LRP8: variants seen among roughly 807,000 people sequenced by gnomAD.
LRP8 encodes the protein LDL receptor related protein 8, also known as low-density lipoprotein receptor-related protein 8.
Under a neutral mutation model 111.6 loss-of-function variants are expected in LRP8, and 46 were observed. That is an observed-to-expected ratio of 0.41 (90% confidence interval 0.33 to 0.53). LRP8 has a LOEUF of 0.53. Among genes scored for constraint, LRP8 ranks in the 20% least tolerant of loss-of-function variants. LRP8 has a pLI of 0.20. For synonymous variants in LRP8, 464 were observed against 511.2 expected, an observed-to-expected ratio of 0.91 and a Z score of 1.24; for missense variants, 959 against 1,297.4, an observed-to-expected ratio of 0.74 and a Z score of 4.01.
chr1:53,316,717 G>A (rs1479520645), intron 2 of LRP8, among the ~76,000 whole-genome samples: 2 of 152,274 alleles, frequency 1.3e-5, no homozygotes, highest in South Asian at 4.1e-4. Context: ...AAGGGGCAGA[G>A]ACCCCAAGAG....
intron 2 of LRP8, among the ~76,000 whole-genome samples, chr1:53,292,851 C>T (rs1649040857): frequency 6.6e-6 from 1 of 152,212 alleles, no homozygotes; most frequent in South Asian, 2.1e-4. Flanking sequence ...TGCTCATCTC[C>T]ACCACGGCTC....
intron 2 of LRP8, among the ~76,000 whole-genome samples, chr1:53,297,837 AAACATGAAAC>A (rs1189261398): frequency 6.6e-6 from 1 of 150,682 alleles, no homozygotes; most frequent in African/African-American, 2.5e-5. Flanking sequence ...CAAGTGGTCC[AAACATGAAAC>A]AAGTGGTCCA....
Position 53,328,003 on chromosome 1 carries a change from G to A in LRP8, c.-91C>T, listed in dbSNP as rs1351066900. ...CTCCGAGTCCTTGCCGCGGCGCCGGGGTTGCCGCTGCCCCCGCCGCCGCCG... is the reference window on the plus strand; with the variant it reads ...CTCCGAGTCCTTGCCGCGGCGCCGGAGTTGCCGCTGCCCCCGCCGCCGCCG... On this transcript the variant is annotated 5_prime_UTR_variant, in exon 1 of 19. Coordinates refer to ENST00000306052, the MANE Select transcript of LRP8 (RefSeq NM_004631.5). 1.9e-5 allele frequency: 16 copies of A among 822,908 alleles called. No homozygotes were observed. Among genetic ancestry groups the A allele is most frequent in the Non-Finnish European group, 2.2e-5 (15 of 684,000 alleles). The allele number at this position is 822,908 out of a possible 1,614,324, so 51.0% of individuals were successfully genotyped here.
In LRP8 at chr1:53,264,390, G is replaced by A. The variant is rs1426912867; in HGVS notation, c.1434C>T (p.Tyr478=). Residue 478 remains tyrosine, a synonymous_variant, in exon 10 of 19, where the codon TAC becomes TAT. Coordinates refer to ENST00000306052, the MANE Select transcript of LRP8 (RefSeq NM_004631.5). ...DLSYRKIYSA[Y]MDKASDPKEQ... is the part of the protein sequence containing the mutation. ...CTTTCGGGTCACTGGCCTTGTCCAT[G>A]TAGGCGCTTAAGAGAAAACAGAGAT... 4.3e-6 allele frequency: 7 copies of A among 1,613,210 alleles called. No homozygotes were observed. Among genetic ancestry groups the A allele is most frequent in the Non-Finnish European group, 5.9e-6 (7 of 1,179,552 alleles).
intron 3 of LRP8, among the ~76,000 whole-genome samples, chr1:53,285,009 C>T (rs1647339324): frequency 6.6e-6 from 1 of 152,202 alleles, no homozygotes; most frequent in Non-Finnish European, 1.5e-5. Flanking sequence ...AGGACTTGAG[C>T]CTGGCTCGCA....
At chr1:53,272,881 G>T (rs968750240) in intron 6 of LRP8, among the ~76,000 whole-genome samples, 1 of 152,080 alleles carries the variant, frequency 6.6e-6, no homozygotes, top group Non-Finnish European at 1.5e-5. Context: ...GCATCCACTC[G>T]CCTCCTTCCT....
intron 2 of LRP8, among the ~76,000 whole-genome samples, chr1:53,311,757 C>T (rs1488463728): frequency 2.6e-5 from 4 of 152,200 alleles, no homozygotes; most frequent in East Asian, 1.9e-4. Flanking sequence ...TGACCCCACT[C>T]GTAACCACCA....
At chr1:53,304,467 C>T (rs1651580185) in intron 2 of LRP8, 1 of 152,376 alleles carries the variant, frequency 6.6e-6, no homozygotes, top group Non-Finnish European at 1.5e-5. Context: ...CTGTCCAGGA[C>T]ACCTCCTCTG....
chr1:53,295,754 G>A (rs1649593318), intron 2 of LRP8, among the ~76,000 whole-genome samples: 2 of 152,114 alleles, frequency 1.3e-5, no homozygotes, highest in Admixed American at 6.5e-5. Flanking sequence ...TCTGATTGAC[G>A]GTTTCCTCCA....
At chr1:53,292,673 C>G (rs1178787497) in intron 2 of LRP8, among the ~76,000 whole-genome samples, 1 of 152,254 alleles carries the variant, frequency 6.6e-6, no homozygotes, top group Non-Finnish European at 1.5e-5. Context: ...GGTGCTTCCT[C>G]TGTGCCAGTC....
At chr1:53,261,079 CTG>C (rs1441509916) in intron 12 of LRP8, among the ~76,000 whole-genome samples, 3 of 152,216 alleles carry the variant, frequency 2.0e-5, no homozygotes, top group African/African-American at 7.2e-5. Context: ...ACAGGTACAA[CTG>C]TGCATCCTCA....
intron 2 of LRP8, among the ~76,000 whole-genome samples, chr1:53,311,211 G>A (rs1366877451): frequency 2.0e-5 from 3 of 151,916 alleles, no homozygotes; most frequent in African/African-American, 7.3e-5. Flanking sequence ...CACCGAGTGA[G>A]GGGTGCGCAG....
In LRP8 at chr1:53,244,392, A is replaced by G. The variant is rs760500866; in HGVS notation, c.*2626T>C. The G allele has an allele frequency of 1.3e-5, 2 of 152,282 alleles. No homozygotes were observed. The highest frequency in any genetic ancestry group is 2.4e-5 in the African/African-American group (1 of 41,480). 9.4% of individuals were successfully genotyped at this position (152,282 alleles called of 1,614,324 possible). The stretch of plus-strand genomic sequence containing the variant: ...CTCTGTGATCTGTGATTGGCTGTAG[A>G]TAGCTATGCACGGGGGCAAAAGGCA... On this transcript the variant is annotated 3_prime_UTR_variant, in exon 19 of 19. Transcript: ENST00000306052.
chr1:53,316,110 T>A (rs1258995101), intron 2 of LRP8, among the ~76,000 whole-genome samples: 1 of 152,236 alleles, frequency 6.6e-6, no homozygotes, highest in Admixed American at 6.5e-5. Context: ...AGGTTTCTGC[T>A]ACTTTACATA....
intron 2 of LRP8, among the ~76,000 whole-genome samples, chr1:53,324,630 A>G (rs1029266698): frequency 3.9e-5 from 6 of 152,140 alleles, no homozygotes; most frequent in Non-Finnish European, 7.4e-5. Context: ...CTCCCTGCCT[A>G]TGACTCTACC....
At chr1:53,263,898 C>A (rs982482442) in intron 10 of LRP8, among the ~76,000 whole-genome samples, 18 of 152,146 alleles carry the variant, frequency 1.2e-4, no homozygotes, top group African/African-American at 4.3e-4. Context: ...GCTTCCTCCC[C>A]CAGGAGCTTC....
Position 53,250,480 on chromosome 1 carries a change from A to AGGAGGAAGGGAAGGAG in LRP8, c.2676+194_2676+209dup, listed in dbSNP as rs1389588132. On this transcript the variant is annotated intron_variant, in intron 17 of 18. Coordinates refer to ENST00000306052, the MANE Select transcript of LRP8 (RefSeq NM_004631.5). This position sits in a 1 kb window ranked among gnomAD's most constrained non-coding sequence, Gnocchi z 4.6. ...TGATAAATGTTTGAGGAAGGAAAGA[A>AGGAGGAAGGGAAGGAG]GGAGGAAGGGAAGGAGGGAGGAAAG... is the stretch of plus-strand genomic sequence containing the variant. Among the ~76,000 whole-genome samples, 2 of 149,138 alleles carry AGGAGGAAGGGAAGGAG rather than the reference A, an allele frequency of 1.3e-5. No individual in the cohort carries two copies. Among genetic ancestry groups the AGGAGGAAGGGAAGGAG allele is most frequent in the Non-Finnish European group, 3.0e-5 (2 of 67,318 alleles).
At chr1:53,285,732 C>G (rs1423325373) in intron 3 of LRP8, among the ~76,000 whole-genome samples, 1 of 152,170 alleles carries the variant, frequency 6.6e-6, no homozygotes, top group Non-Finnish European at 1.5e-5. Context: ...TCCACATGGT[C>G]CACCGCGATG....
chr1:53,258,292 G>T (rs756361013), intron 14 of LRP8, 27 bp downstream of exon 14: 4 of 1,605,742 alleles, frequency 2.5e-6, no homozygotes, highest in Non-Finnish European at 3.4e-6. Flanking sequence ...ACTGCCAGGG[G>T]CCATCCCTCC....
Sources: allele counts gnomAD v4.1 joint callset (sites outside exome capture counted in the v4.1 genomes callset), GRCh38; gene constraint gnomAD v4.1.1; non-coding constraint Gnocchi (gnomAD v3.1); transcripts MANE v1.5; gene names NCBI Gene and HGNC (gene_info 2026-07-23, HGNC 2026-07-21).